Variants in SSBP3 observed in about 807,000 individuals in gnomAD.
SSBP3 encodes the protein single-stranded DNA-binding protein 3.
Under a neutral mutation model 69.6 loss-of-function variants are expected in SSBP3, and 5 were observed. That is an observed-to-expected ratio of 0.07 (90% CI 0.04 to 0.15). The LOEUF (loss-of-function observed/expected upper bound fraction) is 0.15. Ranked by LOEUF, SSBP3 falls within the 10% of genes least tolerant of loss-of-function variation. SSBP3 has a pLI of 1.00. For synonymous variants in SSBP3, 196 were observed against 193.4 expected (o/e 1.01, Z -0.11); for missense variants, 312 against 534.0 (o/e 0.58, Z 4.10).
intron 4 of SSBP3, among the ~76,000 whole-genome samples, chr1:54,301,781 G>A (rs566258955): frequency 2.0e-5 from 3 of 151,124 alleles, no homozygotes; most frequent in Non-Finnish European, 4.4e-5. Flanking sequence ...CCTAGGTTCC[G>A]GGGCCTTCAC....
intron 4 of SSBP3, among the ~76,000 whole-genome samples, chr1:54,337,934 AC>A (rs1483909748): frequency 2.0e-5 from 3 of 152,182 alleles, no homozygotes; most frequent in Non-Finnish European, 2.9e-5. Flanking sequence ...TTCAAGACCA[AC>A]CTGGACAACA....
chr1:54,337,794 C>A (rs1646537064), intron 4 of SSBP3, among the ~76,000 whole-genome samples: 1 of 152,030 alleles, frequency 6.6e-6, no homozygotes, highest in Non-Finnish European at 1.5e-5. Flanking sequence ...CATGCCCGGC[C>A]TCCTCAAACT....
At chr1:54,275,319 G>C (rs1270735656) in intron 5 of SSBP3, among the ~76,000 whole-genome samples, 1 of 152,234 alleles carries the variant, frequency 6.6e-6, no homozygotes, top group Non-Finnish European at 1.5e-5. Flanking sequence ...GCTTCCACTA[G>C]TAACAGGCTT....
chr1:54,271,894 C>T (rs1645200863), intron 5 of SSBP3, among the ~76,000 whole-genome samples: 3 of 152,148 alleles, frequency 2.0e-5, no homozygotes, highest in African/African-American at 7.2e-5. Flanking sequence ...CTCAGCCTCC[C>T]GAATAGATGG....
intron 4 of SSBP3, among the ~76,000 whole-genome samples, chr1:54,291,478 C>T (rs6704316): frequency 0.16 from 18,613 of 114,606 alleles, 1,261 homozygotes; most frequent in South Asian, 0.27. Flanking sequence ...GCCACCCCAG[C>T]GCACAGTTGC....
chr1:54,412,675 A>G (rs1043994239), intron 1 of SSBP3: 7 of 152,240 alleles, frequency 4.6e-5, no homozygotes, highest in African/African-American at 1.7e-4. Flanking sequence ...AGTGTACGCT[A>G]TAAAAGAGTT....
intron 4 of SSBP3, among the ~76,000 whole-genome samples, chr1:54,346,696 T>C (rs968018105): frequency 3.3e-5 from 5 of 151,706 alleles, no homozygotes; most frequent in Non-Finnish European, 7.4e-5. Flanking sequence ...GCACCTGTAG[T>C]CCCAGCTACT....
chr1:54,409,610 G>A (rs1396947024), upstream of SSBP3, among the ~76,000 whole-genome samples: 3 of 151,958 alleles, frequency 2.0e-5, no homozygotes, highest in African/African-American at 7.3e-5. Context: ...CCACTCCCTC[G>A]GCTCAGCCAC....
intron 4 of SSBP3, among the ~76,000 whole-genome samples, chr1:54,309,947 G>C (rs1158127400): frequency 1.3e-5 from 2 of 152,268 alleles, no homozygotes; most frequent in South Asian, 2.1e-4. Context: ...GGGAAGGGGT[G>C]GGGGGAGCAC....
intron 4 of SSBP3, among the ~76,000 whole-genome samples, chr1:54,328,964 T>C (rs1015974047): frequency 1.5e-4 from 23 of 152,322 alleles, no homozygotes; most frequent in African/African-American, 5.5e-4. Context: ...CCTCTTCGTC[T>C]CTGGCTAGTG....
chr1:54,348,247 C>G (rs967945158), intron 4 of SSBP3, among the ~76,000 whole-genome samples: 2,035 of 39,314 alleles, frequency 0.052, 4 homozygotes, highest in African/African-American at 0.062. Context: ...GCATGGGGGG[C>G]GGGGGGGGGG....
At chr1:54,256,867 C>A (rs1054610902) in intron 7 of SSBP3, among the ~76,000 whole-genome samples, 19 of 152,208 alleles carry the variant, frequency 1.2e-4, no homozygotes, top group Non-Finnish European at 2.1e-4. Flanking sequence ...CCAGATGCGC[C>A]TTAGCTCCAT....
intron 4 of SSBP3, among the ~76,000 whole-genome samples, chr1:54,369,297 T>G (rs1203533127): frequency 3.6e-4 from 15 of 42,242 alleles, no homozygotes; most frequent in East Asian, 6.1e-4. Flanking sequence ...CTCCACGGGA[T>G]TGGGGGGACG....
chr1:54,399,744 G>A (rs1570058281), intron 4 of SSBP3, among the ~76,000 whole-genome samples: 1 of 152,172 alleles, frequency 6.6e-6, no homozygotes, highest in African/African-American at 2.4e-5. Context: ...CAAGAAGGGA[G>A]AGACTAGATG....
intron 4 of SSBP3, among the ~76,000 whole-genome samples, chr1:54,391,325 C>T (rs374748334): frequency 2.6e-5 from 4 of 152,230 alleles, no homozygotes; most frequent in African/African-American, 9.6e-5. Flanking sequence ...CCAAGGCCAT[C>T]TGAAAGAATC....
intron 4 of SSBP3, among the ~76,000 whole-genome samples, chr1:54,332,917 C>T (rs868308028): frequency 6.6e-6 from 1 of 152,244 alleles, no homozygotes; most frequent in South Asian, 2.1e-4. Flanking sequence ...CAAACATGCA[C>T]GCACACACAC....
At chr1:54,228,508 C>A in intron 15 of SSBP3, 31 bp from the exon 16 acceptor site, 1 of 1,613,966 alleles carries the variant, frequency 6.2e-7, no homozygotes, top group Non-Finnish European at 8.5e-7. Flanking sequence ...AATTCAGTTT[C>A]TTGCTTGCTC....
intron 7 of SSBP3, among the ~76,000 whole-genome samples, chr1:54,252,670 G>C (rs1188845797): frequency 6.6e-6 from 1 of 152,220 alleles, no homozygotes; most frequent in East Asian, 1.9e-4. Flanking sequence ...TTTCCTGGGT[G>C]AACACTTGCC....
chr1:54,245,387 T>C (rs570068088), intron 9 of SSBP3, among the ~76,000 whole-genome samples: 5 of 152,264 alleles, frequency 3.3e-5, no homozygotes, highest in African/African-American at 1.2e-4. Flanking sequence ...CCCCAGATTC[T>C]GTATGCTTAG....
Sources: allele counts gnomAD v4.1 joint callset (sites outside exome capture counted in the v4.1 genomes callset), GRCh38; gene constraint gnomAD v4.1.1; transcripts MANE v1.5; gene names NCBI Gene and HGNC (gene_info 2026-07-23, HGNC 2026-07-21).